BICRAL: variants seen among roughly 807,000 people sequenced by gnomAD.
The protein encoded by BICRAL is BICRA like chromatin remodeling complex associated protein, also known as BRD4-interacting chromatin-remodeling complex-associated protein-like.
A neutral mutation model predicts 91.8 loss-of-function variants in BICRAL; 8 were observed. The observed-to-expected ratio is 0.09, with a 90% CI of 0.05 to 0.16. The LOEUF (loss-of-function observed/expected upper bound fraction) is 0.16. BICRAL is among the 10% of genes least tolerant of loss of function. The pLI is 1.00. For missense variants in BICRAL, 1,038 were observed against 1,310.9 expected (o/e 0.79, Z 3.21); for synonymous variants, 445 against 491.1 (o/e 0.91, Z 1.24).
At chr6:42,827,705 C>T (rs960026747) in intron 5 of BICRAL, among the ~76,000 whole-genome samples, 2 of 152,080 alleles carry the variant, frequency 1.3e-5, no homozygotes, top group African/African-American at 2.4e-5. Context: ...GATGGTGAAA[C>T]CCCATCTCTA....
intron 2 of BICRAL, chr6:42,821,325 G>A (rs1764130518): frequency 6.6e-6 from 1 of 152,428 alleles, no homozygotes; most frequent in African/African-American, 2.4e-5. Context: ...CGCTGGTGGG[G>A]GAGAGAGGGA....
chr6:42,775,115 T>C (rs1381636108), intron 1 of BICRAL, among the ~76,000 whole-genome samples: 1 of 152,104 alleles, frequency 6.6e-6, no homozygotes, highest in Non-Finnish European at 1.5e-5. Context: ...GTATTTTTGG[T>C]AGAGACAGGG....
At chr6:42,807,121 A>G (rs1763731247) in intron 1 of BICRAL, among the ~76,000 whole-genome samples, 1 of 152,126 alleles carries the variant, frequency 6.6e-6, no homozygotes, top group Non-Finnish European at 1.5e-5. Context: ...GTGAGCCACC[A>G]TGCCCAGCCA....
At chr6:42,781,046 T>A (rs1418854031), upstream of BICRAL, among the ~76,000 whole-genome samples, 2 of 151,964 alleles carry the variant, frequency 1.3e-5, no homozygotes, top group African/African-American at 2.4e-5. Context: ...CTGGGCCACA[T>A]AATCTAAATA....
chr6:42,829,356 G>T lies in BICRAL; in HGVS notation c.1023G>T (p.Gly341=). 2 of 1,614,158 alleles carry T rather than the reference G, an allele frequency of 1.2e-6. No homozygotes were observed. The highest frequency in any genetic ancestry group is 1.1e-5 in the South Asian group (1 of 91,084). The change falls in exon 6 of 13, where the codon GGG becomes GGT. Residue 341 remains glycine (G), a synonymous_variant. Coordinates refer to ENST00000314073, the MANE Select transcript of BICRAL (RefSeq NM_001393499.1). The part of the protein sequence containing the change: ...LGIQQHHVQQ[G]ISFASASSPQ... ...TTCAGCAGCACCACGTACAACAAGG[G>T]ATCTCTTTTGCTTCTGCAAGCTCAC...
At position 42,865,001 on chromosome 6, in the gene BICRAL, A is replaced by C; in HGVS notation, c.2795A>C (p.Gln932Pro). ...CGGAGAGAGCCTCTGAAGGCCAGTC[A>C]GTGCTCTCCCGGCCCTGAGGGGCAC... ...ASRREPLKAS[Q>P]CSPGPEGHRK... is the part of the protein sequence containing the mutation. The change falls in exon 13 of 13, where the codon CAG becomes CCG. Residue 932 changes from glutamine to proline, a missense_variant. Transcript: ENST00000314073. 1 of 1,614,104 alleles carries C rather than the reference A, an allele frequency of 6.2e-7. No individual in the cohort carries two copies. Among genetic ancestry groups the C allele is most frequent in the South Asian group, 1.1e-5 (1 of 91,084 alleles).
chr6:42,781,631 A>C (rs1196170791), upstream of BICRAL, among the ~76,000 whole-genome samples: 1 of 148,734 alleles, frequency 6.7e-6, no homozygotes. Context: ...GTGGAGAGAG[A>C]GCCTGCAAGA....
chr6:42,857,346 T>C, intron 10 of BICRAL, 110 bp downstream of exon 10: 1 of 864,408 alleles, frequency 1.2e-6, no homozygotes, highest in East Asian at 2.5e-5. Context: ...CAGGTTATTG[T>C]TTTTAATCAC....
At chr6:42,797,443 A>T (rs183492724) in intron 1 of BICRAL, among the ~76,000 whole-genome samples, 22 of 152,320 alleles carry the variant, frequency 1.4e-4, no homozygotes. Flanking sequence ...AAAGGAAAAA[A>T]AAAAGTTATA....
At chr6:42,857,614 A>AAAAATATATATATATATAT in intron 10 of BICRAL, among the ~76,000 whole-genome samples, 3 of 96,224 alleles carry the variant, frequency 3.1e-5, no homozygotes, top group African/African-American at 2.0e-4. Flanking sequence ...AAAAAAAAAA[A>AAAAATATATATATATATAT]ATATATATAT....
chr6:42,755,075 C>T (rs1762439969), intron 1 of BICRAL, among the ~76,000 whole-genome samples: 1 of 152,136 alleles, frequency 6.6e-6, no homozygotes, highest in African/African-American at 2.4e-5. Context: ...AGTGAGGTCT[C>T]ATGCTGAGTA....
intron 6 of BICRAL, among the ~76,000 whole-genome samples, chr6:42,840,645 C>T (rs768252316): frequency 4.6e-5 from 7 of 152,094 alleles, no homozygotes; most frequent in Non-Finnish European, 1.0e-4. Context: ...AAGCAATTCT[C>T]CTGCCTCAGC....
At chr6:42,803,614 A>T (rs1763633232) in intron 1 of BICRAL, among the ~76,000 whole-genome samples, 1 of 152,246 alleles carries the variant, frequency 6.6e-6, no homozygotes, top group Admixed American at 6.5e-5. Flanking sequence ...AACAGTTATT[A>T]GGCATGTATG....
rs1765723430 is a variant in BICRAL, at chr6:42,866,933, C to T, written c.*1487C>T. ...CACTCTTCTCCCACACATACACACA[C>T]GTGCATGTATCTGAGCTGCTCGGAT... On this transcript the variant is annotated 3_prime_UTR_variant, in exon 13 of 13. Transcript: ENST00000314073. 2.2e-6 allele frequency: 1 copy of T among 454,424 alleles called. No individual in the cohort carries two copies. Among genetic ancestry groups the T allele is most frequent in the South Asian group, 1.6e-5 (1 of 64,384 alleles). The allele number at this position is 454,424 out of a possible 1,614,324, so 28.1% of individuals were successfully genotyped here. A position where few individuals can be genotyped will look rare whatever the true frequency, so the allele number is the denominator to read the frequency against.
intron 6 of BICRAL, among the ~76,000 whole-genome samples, chr6:42,838,024 A>T (rs1259020831): frequency 6.6e-6 from 1 of 152,228 alleles, no homozygotes; most frequent in East Asian, 1.9e-4. Context: ...AAATGTCTAT[A>T]GTCTCTATGT....
At chr6:42,833,232 T>C (rs1182564114) in intron 6 of BICRAL, among the ~76,000 whole-genome samples, 3 of 151,614 alleles carry the variant, frequency 2.0e-5, no homozygotes, top group African/African-American at 7.3e-5. Flanking sequence ...GTTTTTTGTA[T>C]TTTTAGTAGA....
intron 1 of BICRAL, among the ~76,000 whole-genome samples, chr6:42,756,923 C>CG (rs1352959799): frequency 2.1e-5 from 2 of 94,702 alleles, no homozygotes; most frequent in Non-Finnish European, 4.1e-5. Flanking sequence ...TCCCTCTCCC[C>CG]CCCCCCCACC....
chr6:42,820,766 G>A (rs1394139177), intron 2 of BICRAL, among the ~76,000 whole-genome samples: 1 of 152,070 alleles, frequency 6.6e-6, no homozygotes, highest in Non-Finnish European at 1.5e-5. Flanking sequence ...CCTCTCCACT[G>A]GATTCTACTC....
intron 10 of BICRAL, among the ~76,000 whole-genome samples, chr6:42,857,614 A>AAAAAAAAAAATATAT: frequency 4.5e-4 from 43 of 96,202 alleles, no homozygotes; most frequent in Admixed American, 9.2e-4. Flanking sequence ...AAAAAAAAAA[A>AAAAAAAAAAATATAT]ATATATATAT....
Sources: gnomAD v4.1 joint callset for allele counts (sites outside exome capture counted in the v4.1 genomes callset) on GRCh38, gnomAD v4.1.1 for gene constraint, MANE v1.5 for transcripts, NCBI Gene and HGNC (gene_info 2026-07-23, HGNC 2026-07-21) for gene names.